FOXJ3: variants seen among roughly 807,000 people sequenced by gnomAD.
FOXJ3 encodes the protein forkhead box protein J3.
Under a neutral mutation model 76.1 loss-of-function variants are expected in FOXJ3, and 22 were observed. That is an observed-to-expected ratio of 0.29 (90% CI 0.21 to 0.41). FOXJ3 has a LOEUF of 0.41. Ranked by LOEUF, FOXJ3 falls within the 10% of genes least tolerant of loss-of-function variation. FOXJ3 has a pLI of 1.00. For synonymous variants in FOXJ3, 269 were observed against 261.2 expected, an observed-to-expected ratio of 1.03 and a Z score of -0.29; for missense variants, 613 against 762.1, an observed-to-expected ratio of 0.80 and a Z score of 2.30.
Position 42,192,151 on chromosome 1 carries a change from G to C in FOXJ3, c.935-432C>G, listed in dbSNP as rs137867386. On this transcript the variant is annotated intron_variant, in intron 8 of 12. Transcript: ENST00000361346. ...GGCTCTCTGTAGGCATAAAGACCAA[G>C]GCTTTGATAGAAGACCGCACAATCT... Among the ~76,000 whole-genome samples the C allele has an allele frequency of 1.1e-4, 17 of 152,304 alleles. No individual in the cohort carries two copies. The East Asian group carries it at 3.1e-3, about 28-fold the overall frequency.
chr1:42,276,735 A>C (rs1652292514), intron 3 of FOXJ3, among the ~76,000 whole-genome samples: 1 of 152,238 alleles, frequency 6.6e-6, no homozygotes, highest in Non-Finnish European at 1.5e-5. Flanking sequence ...TTTACAATGA[A>C]GAAACCTGGC....
intron 1 of FOXJ3, among the ~76,000 whole-genome samples, chr1:42,329,253 C>T (rs1219926156): frequency 1.3e-5 from 2 of 152,192 alleles, no homozygotes; most frequent in African/African-American, 4.8e-5. Context: ...AGATGGCCCA[C>T]AGTAATAATG....
chr1:42,189,391 A>G lies in FOXJ3; in HGVS notation c.1365T>C (p.Asp455=). 1 of 1,610,468 alleles carries G rather than the reference A, an allele frequency of 6.2e-7. No homozygotes were observed. The highest frequency in any genetic ancestry group is 8.5e-7 in the Non-Finnish European group (1 of 1,176,902). ...TTAGCATATCAAGTGTCGCATACCA[A>G]TCATTTGAAACACCTATAAAATATT... ...QVSCNSGVSN[D]WYATLDMLKE... The change falls in exon 10 of 13, where the codon GAT becomes GAC. Residue 455 remains aspartate, a synonymous_variant. Coordinates refer to ENST00000361346, the MANE Select transcript of FOXJ3 (RefSeq NM_014947.5).
At chr1:42,285,228 C>A (rs1652976003) in intron 2 of FOXJ3, among the ~76,000 whole-genome samples, 1 of 152,026 alleles carries the variant, frequency 6.6e-6, no homozygotes. Context: ...ATGTATTAAG[C>A]CTGGCATCCA....
intron 3 of FOXJ3, among the ~76,000 whole-genome samples, chr1:42,278,078 A>AACTGC (rs1652425480): frequency 6.6e-6 from 1 of 152,114 alleles, no homozygotes; most frequent in African/African-American, 2.4e-5. Context: ...AACTCACCTG[A>AACTGC]ACTGCAGGTA....
intron 11 of FOXJ3, among the ~76,000 whole-genome samples, chr1:42,187,099 C>T (rs979857127): frequency 4.0e-5 from 6 of 151,428 alleles, no homozygotes; most frequent in African/African-American, 1.2e-4. Context: ...CAGCCCGCCT[C>T]GGCCTCCCAA....
At chr1:42,324,146 C>CACTGTGTATATACAGTATATATAGTG (rs1553170613) in intron 1 of FOXJ3, among the ~76,000 whole-genome samples, 1 of 85,766 alleles carries the variant, frequency 1.2e-5, no homozygotes, top group Non-Finnish European at 2.3e-5. Context: ...AGTATATATA[C>CACTGTGTATATACAGTATATATAGTG]TATATATACA....
chr1:42,228,694 A>C (rs1243420021), intron 4 of FOXJ3, among the ~76,000 whole-genome samples: 1 of 152,198 alleles, frequency 6.6e-6, no homozygotes, highest in Non-Finnish European at 1.5e-5. Context: ...TGTGAGAACC[A>C]GGAACAAAAA....
At chr1:42,223,487 G>A (rs1231015159) in intron 5 of FOXJ3, among the ~76,000 whole-genome samples, 2 of 152,124 alleles carry the variant, frequency 1.3e-5, no homozygotes, top group Non-Finnish European at 2.9e-5. Flanking sequence ...ATGCCCACCT[G>A]TACTTCTTAC....
chr1:42,273,494 T>A (rs11576562), intron 3 of FOXJ3, among the ~76,000 whole-genome samples: 1 of 151,742 alleles, frequency 6.6e-6, no homozygotes, highest in African/African-American at 2.4e-5. Context: ...GCCAACATGG[T>A]GAAACCCCAT....
At chr1:42,286,220 C>T (rs775945128) in intron 2 of FOXJ3, among the ~76,000 whole-genome samples, 1 of 152,116 alleles carries the variant, frequency 6.6e-6, no homozygotes, top group Non-Finnish European at 1.5e-5. Context: ...ATAACTTAGG[C>T]TATTTCCAAA....
At chr1:42,222,804 T>C (rs371112101) in intron 5 of FOXJ3, among the ~76,000 whole-genome samples, 6 of 152,198 alleles carry the variant, frequency 3.9e-5, no homozygotes, top group Admixed American at 6.5e-5. Flanking sequence ...GTTTTGTTCA[T>C]TGCTGTTTCC....
chr1:42,249,218 C>A (rs548979903), intron 4 of FOXJ3, among the ~76,000 whole-genome samples: 1 of 152,206 alleles, frequency 6.6e-6, no homozygotes, highest in East Asian at 1.9e-4. Context: ...GTGCATGTAT[C>A]TTTAAAATAG....
intron 4 of FOXJ3, among the ~76,000 whole-genome samples, chr1:42,251,706 A>ATTTTTTTTTTTTTTTTTTTTTTTT (rs1168120638): frequency 1.1e-5 from 1 of 87,566 alleles, no homozygotes; most frequent in African/African-American, 4.9e-5. Context: ...GTTTGCCAGT[A>ATTTTTTTTTTTTTTTTTTTTTTTT]TTTTTTTTTT....
At chr1:42,197,809 G>GT in intron 7 of FOXJ3, among the ~76,000 whole-genome samples, 1 of 151,934 alleles carries the variant, frequency 6.6e-6, no homozygotes, top group East Asian at 1.9e-4. Context: ...ATGCCTGGCT[G>GT]TTTCATTTTT....
intron 4 of FOXJ3, among the ~76,000 whole-genome samples, chr1:42,239,092 G>C (rs570197544): frequency 1.3e-5 from 2 of 151,892 alleles, no homozygotes; most frequent in African/African-American, 2.4e-5. Flanking sequence ...TTCCTTCCTA[G>C]TACAGAAAAA....
chr1:42,309,621 T>C (rs1374071695), intron 2 of FOXJ3, among the ~76,000 whole-genome samples: 13 of 152,240 alleles, frequency 8.5e-5, no homozygotes, highest in African/African-American at 3.1e-4. Context: ...GTTATGCTCA[T>C]TGCTATGCCC....
chr1:42,229,196 G>A (rs1426808771), intron 4 of FOXJ3, among the ~76,000 whole-genome samples: 3 of 152,074 alleles, frequency 2.0e-5, no homozygotes, highest in South Asian at 2.1e-4. Flanking sequence ...CCATACCCAA[G>A]AATTCATCAC....
intron 4 of FOXJ3, among the ~76,000 whole-genome samples, chr1:42,234,427 G>C (rs1648415736): frequency 6.6e-6 from 1 of 152,114 alleles, no homozygotes; most frequent in South Asian, 2.1e-4. Context: ...GTCCAGCTTT[G>C]TTCCGTTGCT....
Sources: gnomAD v4.1 joint callset for allele counts (sites outside exome capture counted in the v4.1 genomes callset) on GRCh38, gnomAD v4.1.1 for gene constraint, MANE v1.5 for transcripts, NCBI Gene and HGNC (gene_info 2026-07-23, HGNC 2026-07-21) for gene names.